Variants in KCNQ5 observed in about 807,000 individuals in gnomAD.
KCNQ5 encodes potassium voltage-gated channel subfamily KQT member 5.
A neutral mutation model predicts 98.2 loss-of-function variants in KCNQ5; 30 were observed. The observed-to-expected ratio is 0.31, with a 90% CI of 0.23 to 0.41. The LOEUF is 0.41. Ranked by LOEUF, KCNQ5 falls within the 10% of genes least tolerant of loss-of-function variation. KCNQ5 has a pLI of 1.00. For missense variants in KCNQ5, 835 were observed against 1,182.5 expected (o/e 0.71, Z 4.31); for synonymous variants, 458 against 449.4 (o/e 1.02, Z -0.24).
rs548434168 is a variant in KCNQ5, at chr6:72,691,997, T to C, written c.398+69410T>C. 3.2e-4 allele frequency among the ~76,000 whole-genome samples: 48 copies of C among 152,346 alleles called. 1 individual carries two copies. In the South Asian group the frequency reaches 7.7e-3, roughly 24 times the overall value. On this transcript the variant is annotated intron_variant, in intron 1 of 13. Transcript: ENST00000370398. ...ACAGATTGTTTTATGAACATGTTGGTTTAATGAGAGAGTCTTCATATAGAA... is the reference window on the plus strand; with the variant it reads ...ACAGATTGTTTTATGAACATGTTGGCTTAATGAGAGAGTCTTCATATAGAA...
chr6:72,686,539 A>C (rs9442834), intron 1 of KCNQ5, among the ~76,000 whole-genome samples: 55,745 of 151,722 alleles, frequency 0.37, 11,057 homozygotes, highest in South Asian at 0.52. Context: ...GAAAATTGTC[A>C]TTTTTCTTTG....
At chr6:72,802,087 A>G (rs892969956) in intron 1 of KCNQ5, among the ~76,000 whole-genome samples, 4 of 151,930 alleles carry the variant, frequency 2.6e-5, no homozygotes, top group East Asian at 3.9e-4. Flanking sequence ...ACTTTGGTGA[A>G]TCTGACAATT....
intron 1 of KCNQ5, among the ~76,000 whole-genome samples, chr6:72,789,198 C>T (rs1275324589): frequency 2.0e-5 from 3 of 151,964 alleles, no homozygotes; most frequent in African/African-American, 7.3e-5. Context: ...TGCTCTGTCG[C>T]CTAGGATGGA....
At chr6:73,072,478 C>T (rs961031360) in intron 3 of KCNQ5, among the ~76,000 whole-genome samples, 1 of 152,156 alleles carries the variant, frequency 6.6e-6, no homozygotes, top group African/African-American at 2.4e-5. Flanking sequence ...CTTGAGTTCA[C>T]AATAGGGAAG....
chr6:73,166,229 G>A (rs1291962473), intron 10 of KCNQ5, among the ~76,000 whole-genome samples: 1 of 151,948 alleles, frequency 6.6e-6, no homozygotes, highest in Non-Finnish European at 1.5e-5. Context: ...TCAGGAGATC[G>A]AGACCATCCT....
At chr6:72,633,448 T>C (rs2098922203) in intron 1 of KCNQ5, among the ~76,000 whole-genome samples, 1 of 152,222 alleles carries the variant, frequency 6.6e-6, no homozygotes, top group Non-Finnish European at 1.5e-5. Flanking sequence ...AGAATCAATA[T>C]TGTTAACATG....
At chr6:72,957,143 C>T (rs545726795) in intron 1 of KCNQ5, among the ~76,000 whole-genome samples, 1 of 150,240 alleles carries the variant, frequency 6.7e-6, no homozygotes, top group South Asian at 2.1e-4. Context: ...CAGTAGATCT[C>T]ACCCCTGGCT....
intron 1 of KCNQ5, among the ~76,000 whole-genome samples, chr6:72,900,297 T>C (rs1001401344): frequency 6.6e-6 from 1 of 151,200 alleles, no homozygotes; most frequent in Non-Finnish European, 1.5e-5. Flanking sequence ...TTCCTTCTTA[T>C]GTCTGAGTAC....
chr6:73,171,632 C>A (rs1350288724), intron 11 of KCNQ5, among the ~76,000 whole-genome samples: 4 of 152,138 alleles, frequency 2.6e-5, no homozygotes, highest in African/African-American at 7.2e-5. Context: ...TTCAACTGTT[C>A]GATAGCCACA....
At chr6:72,982,789 G>T (rs184420853) in intron 1 of KCNQ5, among the ~76,000 whole-genome samples, 1 of 152,010 alleles carries the variant, frequency 6.6e-6, no homozygotes, top group Non-Finnish European at 1.5e-5. Context: ...ACAATTTGAC[G>T]TTTTTGCAGT....
At chr6:73,187,785 T>A (rs969043492) in intron 11 of KCNQ5, among the ~76,000 whole-genome samples, 1 of 152,216 alleles carries the variant, frequency 6.6e-6, no homozygotes, top group African/African-American at 2.4e-5. Flanking sequence ...AAGGTTTGCA[T>A]AAACTATGAC....
chr6:72,815,684 A>G (rs1013992934), intron 1 of KCNQ5, among the ~76,000 whole-genome samples: 2 of 152,242 alleles, frequency 1.3e-5, no homozygotes, highest in African/African-American at 2.4e-5. Context: ...AGGAAGTCAC[A>G]TCATTAAAAT....
At chr6:72,986,112 C>G (rs1260230127) in intron 1 of KCNQ5, among the ~76,000 whole-genome samples, 1 of 152,092 alleles carries the variant, frequency 6.6e-6, no homozygotes, top group African/African-American at 2.4e-5. Flanking sequence ...CACCTGTAAT[C>G]CTAGCTACTC....
At chr6:72,893,859 ATAC>A (rs1779148606) in intron 1 of KCNQ5, among the ~76,000 whole-genome samples, 1 of 152,154 alleles carries the variant, frequency 6.6e-6, no homozygotes, top group Non-Finnish European at 1.5e-5. Context: ...TATTGAAACT[ATAC>A]CAGGGAGGCT....
Position 72,930,445 on chromosome 6 carries a change from T to C in KCNQ5, c.399-73463T>C, listed in dbSNP as rs558817886. Among the ~76,000 whole-genome samples, 18 of 152,200 alleles carry C rather than the reference T, an allele frequency of 1.2e-4. 1 individual carries two copies. The East Asian group carries it at 3.1e-3, about 26-fold the overall frequency. On this transcript the variant is annotated intron_variant, in intron 1 of 13. Coordinates refer to ENST00000370398, the MANE Select transcript of KCNQ5 (RefSeq NM_019842.4). ...TAGCCAGTCTTGGCTTTCTAAATCA[T>C]GTTGAAAACAAACAGACCATTTGTG...
chr6:72,683,459 C>A (rs968136742), intron 1 of KCNQ5, among the ~76,000 whole-genome samples: 1 of 150,922 alleles, frequency 6.6e-6, no homozygotes, highest in Non-Finnish European at 1.5e-5. Context: ...GCTCTGCCTC[C>A]CGGGTTCACG....
chr6:73,183,195 G>A (rs193137779), intron 11 of KCNQ5, among the ~76,000 whole-genome samples: 1 of 152,322 alleles, frequency 6.6e-6, no homozygotes, highest in Admixed American at 6.5e-5. Flanking sequence ...AAGGTTGCCT[G>A]CCTGGGATTC....
chr6:73,179,330 G>A (rs1286232204), intron 11 of KCNQ5, among the ~76,000 whole-genome samples: 1 of 152,118 alleles, frequency 6.6e-6, no homozygotes. Flanking sequence ...ATAGCAAGCA[G>A]AGTGAGCATG....
chr6:72,943,646 G>GGC (rs1004701152), intron 1 of KCNQ5, among the ~76,000 whole-genome samples: 6 of 152,156 alleles, frequency 3.9e-5, no homozygotes, highest in Non-Finnish European at 8.8e-5. Flanking sequence ...GAGACACAGT[G>GGC]GCACAGAGGT....
Sources: gnomAD v4.1 joint callset for allele counts (sites outside exome capture counted in the v4.1 genomes callset) on GRCh38, gnomAD v4.1.1 for gene constraint, MANE v1.5 for transcripts, NCBI Gene and HGNC (gene_info 2026-07-23, HGNC 2026-07-21) for gene names.